Variants in ECE2 observed in about 807,000 individuals in gnomAD.
ECE2 encodes endothelin converting enzyme 2.
A neutral mutation model predicts 100.6 loss-of-function variants in ECE2; 81 were observed. The ratio of observed to expected loss-of-function variants is 0.81; its 90% CI spans 0.67 to 0.97. The LOEUF (loss-of-function observed/expected upper bound fraction) is 0.97, where lower values mean the gene tolerates loss of function less well. ECE2 is among the 50% of genes least tolerant of loss of function. The probability of loss-of-function intolerance (pLI) is 0.00; values close to 1 mark genes in which losing one functional copy is unlikely to be tolerated. For synonymous variants in ECE2, 391 were observed against 391.5 expected, an observed-to-expected ratio of 1.00 and a Z score of 0.02; for missense variants, 911 against 988.1, an observed-to-expected ratio of 0.92 and a Z score of 1.05.
chr3:184,279,632 G>A (rs1334631186), intron 7 of ECE2, among the ~76,000 whole-genome samples: 3 of 148,786 alleles, frequency 2.0e-5, no homozygotes, highest in African/African-American at 7.5e-5. Context: ...ACTCCAGCCT[G>A]GGCAACAGAA....
In ECE2 at chr3:184,291,295, G is replaced by A. The variant is rs1721303898; in HGVS notation, c.2026-49G>A. 3.1e-6 allele frequency: 5 copies of A among 1,587,820 alleles called. No homozygotes were observed. Among genetic ancestry groups the A allele is most frequent in the Non-Finnish European group, 4.3e-6 (5 of 1,165,024 alleles). On this transcript the variant is annotated intron_variant, in intron 17 of 18. Transcript: ENST00000404464. This position sits in a 1 kb window ranked among gnomAD's most constrained non-coding sequence, Gnocchi z 4.1. ...TGGCCTGGGGTGAAAGGTGCCGGGT[G>A]GGTGGGGGCAGGCCTGGATGGGCTT...
Position 184,292,364 on chromosome 3 carries a change from C to A in ECE2, c.*126C>A, listed in dbSNP as rs1392176719. The A allele has an allele frequency of 1.8e-6, 2 of 1,122,486 alleles. No homozygotes were observed. The highest frequency in any genetic ancestry group is 2.6e-6 in the Non-Finnish European group (2 of 779,496). 69.5% of individuals were successfully genotyped at this position (1,122,486 alleles called of 1,614,324 possible). A position where few individuals can be genotyped will look rare whatever the true frequency, so the allele number is the denominator to read the frequency against. ...GGCTGGGTCTAGTCCCTCCCCCCCA[C>A]AGGTGACATGAGTACAGACCCTCCT... On this transcript the variant is annotated 3_prime_UTR_variant, in exon 19 of 19. Coordinates refer to ENST00000404464, the MANE Select transcript of ECE2 (RefSeq NM_001100121.2).
In ECE2 at chr3:184,285,525, C is replaced by T. The variant is rs772300098; in HGVS notation, c.1196C>T (p.Ser399Leu). 5.0e-6 allele frequency: 8 copies of T among 1,614,070 alleles called. No individual in the cohort carries two copies. Among genetic ancestry groups the T allele is most frequent in the Non-Finnish European group, 6.8e-6 (8 of 1,180,046 alleles). ...TGGAACCTGGTGCAAAAGACAACCT[C>T]AAGCCTGGACCGACGCTTTGAGTCT... ...LIWNLVQKTT[S>L]SLDRRFESAQ... Residue 399 changes from serine (S) to leucine (L), a missense_variant, in exon 10 of 19, where the codon TCA (serine) becomes TTA (leucine). Physicochemically the swap from Ser to Leu is moderately radical, Grantham distance 145 (BLOSUM62 -2). Transcript: ENST00000404464.
chr3:184,277,775 G>A, intron 4 of ECE2, 150 bp from the exon 5 acceptor site: 2 of 1,283,452 alleles, frequency 1.6e-6, no homozygotes, highest in Non-Finnish European at 2.1e-6. Flanking sequence ...GGGAGAGGAA[G>A]CCACGGCTTG....
At position 184,277,319 on chromosome 3, in the gene ECE2, G is replaced by T; in HGVS notation, c.331G>T (p.Asp111Tyr). The change falls in exon 4 of 19, where the codon GAC becomes TAC. Residue 111 changes from aspartate to tyrosine, a missense_variant. Physicochemically the swap from Asp to Tyr is radical, Grantham distance 160. Transcript: ENST00000404464. ...GGCTGGAAAAATCCTGGAGTCCCTGGACCGAGGGGTGAGCCCCTGTGAGGA... is the reference window on the plus strand; with the variant it reads ...GGCTGGAAAAATCCTGGAGTCCCTGTACCGAGGGGTGAGCCCCTGTGAGGA... ...RVAGKILESL[D>Y]RGVSPCEDFY... The T allele has an allele frequency of 6.2e-7, 1 of 1,614,244 alleles. No individual in the cohort carries two copies. The highest frequency in any genetic ancestry group is 1.1e-5 in the South Asian group (1 of 91,090).
Position 184,278,033 on chromosome 3 carries a change from G to C in ECE2, c.587G>C (p.Arg196Thr), listed in dbSNP as rs758165229. Residue 196 changes from arginine to threonine, a missense_variant, in exon 5 of 19, where the codon AGA (arginine) becomes ACA (threonine). Transcript: ENST00000404464. Reference sequence around the variant, plus strand: ...GAGGAGCTGGGAGCCCAGCCACTGAGAGACCTCATTGAGAAGGTAGGGCCA... The same window carrying C: ...GAGGAGCTGGGAGCCCAGCCACTGACAGACCTCATTGAGAAGGTAGGGCCA... ...RIEELGAQPLRDLIEKIGGWN... is the reference protein window; with the variant it reads ...RIEELGAQPLTDLIEKIGGWN... The C allele has an allele frequency of 1.9e-6, 3 of 1,613,930 alleles. No individual in the cohort carries two copies. The highest frequency in any genetic ancestry group is 2.7e-5 in the African/African-American group (2 of 74,922).
At position 184,292,399 on chromosome 3, in the gene ECE2, C is replaced by A; in HGVS notation, c.*161C>A. On this transcript the variant is annotated 3_prime_UTR_variant, in exon 19 of 19. Transcript: ENST00000404464. ...GAGTACAGACCCTCCTCAATCACCACATTGTGCCTCTGCTTTGGGGGTGCC... is the reference window on the plus strand; with the variant it reads ...GAGTACAGACCCTCCTCAATCACCAAATTGTGCCTCTGCTTTGGGGGTGCC... 1.3e-6 allele frequency: 1 copy of A among 766,862 alleles called. No homozygotes were observed. The allele number at this position is 766,862 out of a possible 1,614,324, so 47.5% of individuals were successfully genotyped here.
In ECE2 at chr3:184,276,522, A is replaced by G; in HGVS notation, c.81A>G (p.Ala27=). 1 of 1,611,278 alleles carries G rather than the reference A, an allele frequency of 6.2e-7. No homozygotes were observed. The highest frequency in any genetic ancestry group is 8.5e-7 in the Non-Finnish European group (1 of 1,179,724). Residue 27 remains alanine (A), a synonymous_variant, in exon 2 of 19, where the codon GCA becomes GCG. Transcript: ENST00000404464. ...GGGCCACGCTTCGGGATGAAGACGC[A>G]CCCGAGACCCCCGTAGAGGGCGGGG... The part of the protein sequence containing the change: ...YKRATLRDED[A]PETPVEGGAS...
Position 184,276,174 on chromosome 3 carries a change from G to A in ECE2, c.21G>A (p.Glu7=), listed in dbSNP as rs1352605007. 19 of 1,443,980 alleles carry A rather than the reference G, an allele frequency of 1.3e-5. No homozygotes were observed. The highest frequency in any genetic ancestry group is 8.4e-5 in the Admixed American group (3 of 35,802). 89.4% of individuals were successfully genotyped at this position (1,443,980 alleles called of 1,614,324 possible). ...CCACCATGAACGTCGCGCTGCAGGAGCTGGGAGCTGGCAGCAACGTGAGTG... is the reference window on the plus strand; with the variant it reads ...CCACCATGAACGTCGCGCTGCAGGAACTGGGAGCTGGCAGCAACGTGAGTG... MNVALQ[E]LGAGSNMVEY... is the part of the protein sequence containing the mutation. Residue 7 remains glutamate (E), a synonymous_variant, in exon 1 of 19, where the codon GAG becomes GAA. Transcript: ENST00000404464.
chr3:184,284,309 G>A (rs965579027), intron 8 of ECE2, among the ~76,000 whole-genome samples: 17 of 152,246 alleles, frequency 1.1e-4, no homozygotes, highest in Non-Finnish European at 1.9e-4. Context: ...TTGGGAGGCC[G>A]AGGCGGGTGG....
chr3:184,289,605 G>A lies in ECE2; in HGVS notation c.1474-36G>A. ...AAGGATACAGTTTTGCTAGGAACCTGGGGAAGGAAACAAACCCTTAACCTG... is the reference window on the plus strand; with the variant it reads ...AAGGATACAGTTTTGCTAGGAACCTAGGGAAGGAAACAAACCCTTAACCTG... On this transcript the variant is annotated intron_variant, in intron 12 of 18. Transcript: ENST00000404464. The surrounding 1 kb of genome is among the most constrained non-coding windows in gnomAD (Gnocchi z 4.1). 1 of 1,613,320 alleles carries A rather than the reference G, an allele frequency of 6.2e-7. No homozygotes were observed. Among genetic ancestry groups the A allele is most frequent in the Non-Finnish European group, 8.5e-7 (1 of 1,179,288 alleles).
chr3:184,279,291 C>T (rs1453315452), intron 7 of ECE2, among the ~76,000 whole-genome samples: 3 of 114,812 alleles, frequency 2.6e-5, no homozygotes, highest in Non-Finnish European at 4.9e-5. Context: ...GCCTGGGTGA[C>T]GGAGAGAGAC....
At chr3:184,280,042 G>A (rs1720753807) in intron 7 of ECE2, among the ~76,000 whole-genome samples, 1 of 152,170 alleles carries the variant, frequency 6.6e-6, no homozygotes, top group Admixed American at 6.5e-5. Context: ...ATATCATCAA[G>A]TCAGAATCAT....
intron 7 of ECE2, among the ~76,000 whole-genome samples, chr3:184,282,512 AAC>A (rs1050005974): frequency 1.8e-4 from 27 of 152,304 alleles, no homozygotes; most frequent in African/African-American, 6.3e-4. Flanking sequence ...CCTGTTATTC[AAC>A]AGATATTTAT....
chr3:184,286,989 G>T (rs551781358), intron 10 of ECE2, among the ~76,000 whole-genome samples: 1 of 151,780 alleles, frequency 6.6e-6, no homozygotes, highest in East Asian at 1.9e-4. Flanking sequence ...AGAAATCAAA[G>T]CAGGCAGGGC....
chr3:184,278,660 T>A, intron 7 of ECE2, 103 bp downstream of exon 7: 1 of 1,243,104 alleles, frequency 8.0e-7, no homozygotes, highest in Non-Finnish European at 1.2e-6. Context: ...AAGGTGAGCC[T>A]ATCCTGTCAC....
chr3:184,289,839 A>G lies in ECE2; in HGVS notation c.1551+121A>G. The G allele has an allele frequency of 1.2e-6, 1 of 846,936 alleles. No individual in the cohort carries two copies. Among genetic ancestry groups the G allele is most frequent in the Middle Eastern group, 3.5e-4 (1 of 2,852 alleles). 52.5% of individuals were successfully genotyped at this position (846,936 alleles called of 1,614,324 possible). On this transcript the variant is annotated intron_variant, in intron 13 of 18. Coordinates refer to ENST00000404464, the MANE Select transcript of ECE2 (RefSeq NM_001100121.2). This position sits in a 1 kb window ranked among gnomAD's most constrained non-coding sequence, Gnocchi z 4.1. ...GCTTGTCGGTTTCTTTTAGAGGCAGATGGAGGTAACCAGCATTGTTAAAAT... is the reference window on the plus strand; with the variant it reads ...GCTTGTCGGTTTCTTTTAGAGGCAGGTGGAGGTAACCAGCATTGTTAAAAT...
intron 11 of ECE2, 114 bp downstream of exon 11, chr3:184,288,061 A>T (rs1279133496): frequency 1.0e-6 from 1 of 952,854 alleles, no homozygotes; most frequent in Non-Finnish European, 1.6e-6. Flanking sequence ...CGGTAATCCC[A>T]GCACTTTGGG....
At position 184,278,227 on chromosome 3, in the gene ECE2, G is replaced by T. The variant is rs1163220718; in HGVS notation, c.664G>T (p.Ala222Ser). 4 of 1,614,070 alleles carry T rather than the reference G, an allele frequency of 2.5e-6. No homozygotes were observed. Among genetic ancestry groups the T allele is most frequent in the African/African-American group, 1.3e-5 (1 of 74,914 alleles). The change falls in exon 6 of 19, where the codon GCA (alanine) becomes TCA (serine). Residue 222 changes from alanine to serine, a missense_variant. Transcript: ENST00000404464. ...GGACAACTTTATGGAGGTGTTGAAG[G>T]CAGTAGCAGGGACCTACAGGGCCAC... Reference protein sequence around the residue: ...DQDNFMEVLKAVAGTYRATPF... With the variant: ...DQDNFMEVLKSVAGTYRATPF...
Sources: allele counts gnomAD v4.1 joint callset (sites outside exome capture counted in the v4.1 genomes callset), GRCh38; gene constraint gnomAD v4.1.1; non-coding constraint Gnocchi (gnomAD v3.1); transcripts MANE v1.5; gene names NCBI Gene and HGNC (gene_info 2026-07-23, HGNC 2026-07-21).